LAMA1: variants seen among roughly 807,000 people sequenced by gnomAD.
LAMA1 encodes laminin subunit alpha-1.
LAMA1 carries 219 observed loss-of-function variants against 348.7 expected under a neutral mutation model. The ratio of observed to expected loss-of-function variants is 0.63; its 90% CI spans 0.56 to 0.70. The LOEUF is 0.70. Ranked by LOEUF, LAMA1 falls within the 30% of genes least tolerant of loss-of-function variation. The probability of loss-of-function intolerance (pLI) is 0.00; values close to 1 mark genes in which losing one functional copy is unlikely to be tolerated. For synonymous variants in LAMA1, 1,487 were observed against 1,491.0 expected, an observed-to-expected ratio of 1.00 and a Z score of 0.06; for missense variants, 3,744 against 3,888.0, an observed-to-expected ratio of 0.96 and a Z score of 0.99.
intron 16 of LAMA1, among the ~76,000 whole-genome samples, chr18:7,029,095 C>A (rs1306539468): frequency 1.3e-5 from 2 of 152,198 alleles, no homozygotes; most frequent in Non-Finnish European, 2.9e-5. Flanking sequence ...TGTATTACAT[C>A]CATTTTACTC....
intron 48 of LAMA1, among the ~76,000 whole-genome samples, chr18:6,967,768 C>T (rs2057640083): frequency 6.6e-6 from 1 of 152,018 alleles, no homozygotes; most frequent in Non-Finnish European, 1.5e-5. Flanking sequence ...TCTTGGTCCT[C>T]AGTGCATGGC....
At chr18:7,038,451 A>C in intron 11 of LAMA1, 1 of 366,128 alleles carries the variant, frequency 2.7e-6, no homozygotes. Flanking sequence ...TGAGCTGGAA[A>C]ATCCCCATGG....
At position 6,942,121 on chromosome 18, in the gene LAMA1, C is replaced by CA; in HGVS notation, c.9185dup (p.His3063AlafsTer29). On this transcript the variant is annotated frameshift_variant, in exon 63 of 63. Coordinates refer to ENST00000389658, the MANE Select transcript of LAMA1 (RefSeq NM_005559.4). LOFTEE classifies it high-confidence loss of function. ...GACAGGAATGAAGGAAAACTCCGTG[C>CA]AGTTCGAACGCTCTGCTGAAGTCAA... 6.2e-7 allele frequency: 1 copy of CA among 1,614,150 alleles called. No homozygotes were observed. The highest frequency in any genetic ancestry group is 1.3e-5 in the African/African-American group (1 of 75,046).
At chr18:7,111,492 T>C (rs1814844257) in intron 1 of LAMA1, among the ~76,000 whole-genome samples, 1 of 152,188 alleles carries the variant, frequency 6.6e-6, no homozygotes, top group Non-Finnish European at 1.5e-5. Flanking sequence ...TATCAAATGG[T>C]TACTCTGGGC....
At chr18:7,031,081 C>A (rs934373545) in intron 16 of LAMA1, among the ~76,000 whole-genome samples, 2 of 152,094 alleles carry the variant, frequency 1.3e-5, no homozygotes, top group Admixed American at 1.3e-4. Context: ...AAGTTCTAAG[C>A]CATCCTGGAC....
chr18:7,107,566 C>G (rs956305316), intron 1 of LAMA1, among the ~76,000 whole-genome samples: 13 of 152,102 alleles, frequency 8.5e-5, no homozygotes, highest in Non-Finnish European at 1.8e-4. Context: ...ACATCCTTGA[C>G]CCAGGGCCTG....
At chr18:6,946,675 C>T (rs2057523182) in intron 61 of LAMA1, among the ~76,000 whole-genome samples, 1 of 151,982 alleles carries the variant, frequency 6.6e-6, no homozygotes, top group South Asian at 2.1e-4. Context: ...GCTGAGATTG[C>T]ACCATTGCAC....
intron 56 of LAMA1, chr18:6,956,263 CT>C (rs34931978): frequency 0.29 from 85,892 of 300,852 alleles, 3,136 homozygotes; most frequent in South Asian, 0.34. Flanking sequence ...TGAATTGAAT[CT>C]TTTTTTTTTT....
chr18:6,955,323 G>A lies in LAMA1; in HGVS notation c.8207+30C>T, dbSNP rs200548902. On this transcript the variant is annotated intron_variant, in intron 57 of 62. Transcript: ENST00000389658. ...ACCCCCATACATCTAGCAATGAGAC[G>A]CCGCATAAGGATGTTAGAATGATAC... 2.4e-4 allele frequency: 366 copies of A among 1,532,002 alleles called. 2 individuals are homozygous for A. In the African/African-American group the frequency reaches 3.9e-3, roughly 16 times the overall value. 94.9% of individuals were successfully genotyped at this position (1,532,002 alleles called of 1,614,324 possible).
At chr18:6,974,042 C>T (rs751955079) in intron 46 of LAMA1, among the ~76,000 whole-genome samples, 21 of 152,140 alleles carry the variant, frequency 1.4e-4, no homozygotes, top group Non-Finnish European at 2.8e-4. Context: ...CTCGGCCTCC[C>T]AAAGCACTGG....
chr18:7,060,982 C>G (rs1196734167), intron 3 of LAMA1, among the ~76,000 whole-genome samples: 1 of 152,136 alleles, frequency 6.6e-6, no homozygotes, highest in Admixed American at 6.5e-5. Flanking sequence ...ACGGCAAAAC[C>G]TCATCTCTGC....
chr18:6,955,552 A>T (rs2057572229), intron 56 of LAMA1, 87 bp from the exon 57 acceptor site: 6 of 884,158 alleles, frequency 6.8e-6, no homozygotes, highest in Non-Finnish European at 1.1e-5. Context: ...AGGGCCATCT[A>T]CGAAGCAATC....
At chr18:7,006,612 C>T (rs952742193) in intron 29 of LAMA1, among the ~76,000 whole-genome samples, 10 of 152,250 alleles carry the variant, frequency 6.6e-5, no homozygotes, top group East Asian at 5.8e-4. Flanking sequence ...GATTTCGTCA[C>T]GGTGTGAACG....
chr18:7,007,532 G>T (rs2057838214), intron 28 of LAMA1, among the ~76,000 whole-genome samples: 2 of 149,910 alleles, frequency 1.3e-5, no homozygotes, highest in African/African-American at 4.9e-5. Context: ...CTGCTGGTGA[G>T]AATGGAAAAT....
chr18:6,983,099 C>A lies in LAMA1; in HGVS notation c.5796G>T (p.Leu1932=), dbSNP rs1203740341. Reference sequence around the variant, plus strand: ...AAAAAGAAGCCACGTCGTTTCCTACCAGGCTCGTCTCAGTCACAGTCCTGT... The same window carrying A: ...AAAAAGAAGCCACGTCGTTTCCTACAAGGCTCGTCTCAGTCACAGTCCTGT... The part of the protein sequence containing the change: ...DAHRTVTETS[L]LSESLVSNGK... The change falls in exon 40 of 63, where the codon CTG becomes CTT. Residue 1932 remains leucine (L), a splice_region_variant and synonymous_variant. Transcript: ENST00000389658. 8.1e-6 allele frequency: 13 copies of A among 1,613,986 alleles called. No homozygotes were observed. Among genetic ancestry groups the A allele is most frequent in the Non-Finnish European group, 1.1e-5 (13 of 1,180,030 alleles).
intron 30 of LAMA1, among the ~76,000 whole-genome samples, chr18:7,000,749 G>T (rs891585098): frequency 6.6e-6 from 1 of 152,182 alleles, no homozygotes; most frequent in Non-Finnish European, 1.5e-5. Flanking sequence ...ACCAGTTAGA[G>T]CCAAGTCTGG....
At position 7,033,066 on chromosome 18, in the gene LAMA1, C is replaced by T. The variant is rs754577443; in HGVS notation, c.2081G>A (p.Ser694Asn). 1 of 1,611,974 alleles carries T rather than the reference C, an allele frequency of 6.2e-7. No homozygotes were observed. The highest frequency in any genetic ancestry group is 1.7e-5 in the Admixed American group (1 of 59,926). Residue 694 changes from serine (S) to asparagine (N), a missense_variant, in exon 15 of 63, where the codon AGC (serine) becomes AAC (asparagine). Ser to Asn is a conservative substitution (Grantham distance 46). Coordinates refer to ENST00000389658, the MANE Select transcript of LAMA1 (RefSeq NM_005559.4). ...RLESVSLDIA[S>N]SNAIDLVVAA... is the part of the protein sequence containing the mutation. ...CACCACCAGGTCGATGGCATTAGAGCTGGCTATGTCCAGAGAGACGGACTC... is the reference window on the plus strand; with the variant it reads ...CACCACCAGGTCGATGGCATTAGAGTTGGCTATGTCCAGAGAGACGGACTC...
chr18:6,959,259 G>C (rs2057595615), intron 54 of LAMA1, 82 bp downstream of exon 54: 4 of 1,589,756 alleles, frequency 2.5e-6, no homozygotes, highest in Middle Eastern at 1.7e-4. Context: ...TAGCCGCCCA[G>C]GGCACCACCG....
At chr18:7,079,091 T>C (rs997259319) in intron 3 of LAMA1, among the ~76,000 whole-genome samples, 1 of 152,214 alleles carries the variant, frequency 6.6e-6, no homozygotes, top group African/African-American at 2.4e-5. Flanking sequence ...ATAATTCCTA[T>C]TTAAATCCTA....
Sources: allele counts gnomAD v4.1 joint callset (sites outside exome capture counted in the v4.1 genomes callset), GRCh38; gene constraint gnomAD v4.1.1; transcripts MANE v1.5; gene names NCBI Gene and HGNC (gene_info 2026-07-23, HGNC 2026-07-21).